DEPTOR: variants seen among roughly 807,000 people sequenced by gnomAD.
DEPTOR encodes the protein DEP domain containing MTOR interacting protein.
In DEPTOR, 41 loss-of-function variants were observed where a neutral mutation model predicts 41.6. The ratio of observed to expected loss-of-function variants is 0.98; its 90% confidence interval spans 0.77 to 1.28. DEPTOR has a LOEUF of 1.28. Among genes scored for constraint, DEPTOR ranks in the 50% most tolerant of loss-of-function variants. DEPTOR has a pLI of 0.00. For synonymous variants in DEPTOR, 195 were observed against 192.3 expected (o/e 1.01, Z -0.12); for missense variants, 514 against 527.9 (o/e 0.97, Z 0.26).
chr8:120,001,505 G>GT lies in DEPTOR; in HGVS notation c.605-9dup, dbSNP rs11395630. ...GGATGCCAGATAGTCCTCATTGGTT[G>GT]TTTTTTTTTTTCTCCCCAGTGTCCA... On this transcript the variant is annotated intron_variant, in intron 4 of 8. Transcript: ENST00000286234. The GT allele has an allele frequency of 0.18, 179,684 of 1,004,832 alleles. 3,898 individuals carry two copies. Among genetic ancestry groups the GT allele is most frequent in the African/African-American group, 0.35 (22,696 of 64,234 alleles). The allele number at this position is 1,004,832 out of a possible 1,614,324, so 62.2% of individuals were successfully genotyped here.
intron 3 of DEPTOR, among the ~76,000 whole-genome samples, chr8:119,948,686 A>G (rs982982005): frequency 3.3e-5 from 5 of 152,012 alleles, no homozygotes; most frequent in African/African-American, 1.2e-4. Flanking sequence ...CCCTTACCCC[A>G]TAGCTATCAC....
At chr8:120,030,842 C>T (rs973739626) in intron 8 of DEPTOR, among the ~76,000 whole-genome samples, 10 of 151,868 alleles carry the variant, frequency 6.6e-5, no homozygotes, top group Non-Finnish European at 1.3e-4. Flanking sequence ...GTCACCCAGG[C>T]TAGAGTGCAG....
chr8:120,009,913 A>G (rs976476183), intron 8 of DEPTOR, among the ~76,000 whole-genome samples: 1 of 152,138 alleles, frequency 6.6e-6, no homozygotes, highest in Non-Finnish European at 1.5e-5. Context: ...AATTTGAAAA[A>G]TTATGTATTT....
At chr8:119,889,862 A>G (rs1347854949) in intron 1 of DEPTOR, among the ~76,000 whole-genome samples, 2 of 151,806 alleles carry the variant, frequency 1.3e-5, no homozygotes, top group African/African-American at 4.9e-5. Context: ...TACAGTATGA[A>G]GTCTTCTCAT....
Position 119,987,694 on chromosome 8 carries a change from C to A in DEPTOR, c.605-13831C>A, listed in dbSNP as rs184140106. ...GGGAGTTTTATCTATAAGTCCCTGA[C>A]TGGGGCTGCTGCCTTTCTTCAGAGA... On this transcript the variant is annotated intron_variant, in intron 4 of 8. Coordinates refer to ENST00000286234, the MANE Select transcript of DEPTOR (RefSeq NM_022783.4). Among the ~76,000 whole-genome samples the A allele has an allele frequency of 8.2e-3, 1,242 of 152,290 alleles. 15 individuals carry two copies. The highest frequency in any genetic ancestry group is 0.029 in the African/African-American group (1,191 of 41,568).
intron 4 of DEPTOR, among the ~76,000 whole-genome samples, chr8:119,997,784 G>C (rs1452818398): frequency 1.3e-5 from 2 of 152,192 alleles, no homozygotes; most frequent in African/African-American, 4.8e-5. Context: ...TACAACCCTA[G>C]ATTGCATGTG....
chr8:120,049,501 C>T (rs1813199968), intron 8 of DEPTOR, 75 bp from the exon 9 acceptor site: 1 of 1,545,960 alleles, frequency 6.5e-7, no homozygotes, highest in Non-Finnish European at 8.8e-7. Context: ...GTTAGGGCTA[C>T]ACACTGTCTT....
chr8:119,948,348 G>C (rs967080697), intron 3 of DEPTOR, among the ~76,000 whole-genome samples: 1 of 152,122 alleles, frequency 6.6e-6, no homozygotes, highest in Non-Finnish European at 1.5e-5. Context: ...GGAGATGGAG[G>C]CTGCAGTGAG....
chr8:119,905,123 T>C (rs1461171473), intron 1 of DEPTOR, among the ~76,000 whole-genome samples: 2 of 152,086 alleles, frequency 1.3e-5, no homozygotes, highest in East Asian at 1.9e-4. Flanking sequence ...ATGCACCTTT[T>C]ACCTAAACTG....
intron 3 of DEPTOR, among the ~76,000 whole-genome samples, chr8:119,963,219 G>A (rs1828514379): frequency 6.6e-6 from 1 of 152,158 alleles, no homozygotes; most frequent in African/African-American, 2.4e-5. Flanking sequence ...TAAAGTCCAG[G>A]GAGATGCAGA....
At chr8:119,983,542 G>A (rs1370372771) in intron 4 of DEPTOR, among the ~76,000 whole-genome samples, 1 of 152,010 alleles carries the variant, frequency 6.6e-6, no homozygotes, top group African/African-American at 2.4e-5. Flanking sequence ...CCGCCACCAC[G>A]CTCAGCTAAT....
intron 8 of DEPTOR, among the ~76,000 whole-genome samples, chr8:120,025,435 T>TGA (rs1021284431): frequency 9.2e-5 from 14 of 152,136 alleles, no homozygotes; most frequent in African/African-American, 2.6e-4. Flanking sequence ...GGAGAGCCTG[T>TGA]GAGAGAGAGA....
At chr8:119,953,223 C>A (rs1026102167) in intron 3 of DEPTOR, among the ~76,000 whole-genome samples, 1 of 152,056 alleles carries the variant, frequency 6.6e-6, no homozygotes, top group Non-Finnish European at 1.5e-5. Context: ...AATGAAGACC[C>A]AAAGATACAG....
chr8:119,888,858 C>CAAAAAAAAA, intron 1 of DEPTOR, among the ~76,000 whole-genome samples: 1 of 63,862 alleles, frequency 1.6e-5, no homozygotes, highest in East Asian at 5.3e-4. Flanking sequence ...TCTGTCTCAG[C>CAAAAAAAAA]AAAAAAAAAA....
intron 1 of DEPTOR, among the ~76,000 whole-genome samples, chr8:119,884,219 C>T (rs1380302180): frequency 6.6e-6 from 1 of 152,076 alleles, no homozygotes; most frequent in African/African-American, 2.4e-5. Flanking sequence ...CACCACACCT[C>T]ACTAATTTCT....
At chr8:120,019,387 C>T (rs189093196) in intron 8 of DEPTOR, among the ~76,000 whole-genome samples, 1 of 152,296 alleles carries the variant, frequency 6.6e-6, no homozygotes, top group Non-Finnish European at 1.5e-5. Flanking sequence ...ACTGGTGTCA[C>T]TCTCAATCAG....
In DEPTOR at chr8:119,944,847, G is replaced by T. The variant is rs559777350; in HGVS notation, c.425+14909G>T. 5.9e-5 allele frequency among the ~76,000 whole-genome samples: 9 copies of T among 152,002 alleles called. No homozygotes were observed. In the East Asian group the frequency reaches 1.4e-3, roughly 23 times the overall value. On this transcript the variant is annotated intron_variant, in intron 3 of 8. Coordinates refer to ENST00000286234, the MANE Select transcript of DEPTOR (RefSeq NM_022783.4). ...TTTTTTGTATTTTTAGTAGAGACAGGGTTTAACCATGTTGGCCAGGATGGT... is the reference window on the plus strand; with the variant it reads ...TTTTTTGTATTTTTAGTAGAGACAGTGTTTAACCATGTTGGCCAGGATGGT...
At chr8:120,045,647 T>C (rs1813143673) in intron 8 of DEPTOR, among the ~76,000 whole-genome samples, 1 of 152,234 alleles carries the variant, frequency 6.6e-6, no homozygotes, top group Non-Finnish European at 1.5e-5. Flanking sequence ...AGTGCTAGGA[T>C]TGCAGACGTG....
chr8:119,972,064 T>C (rs113792644), intron 4 of DEPTOR, among the ~76,000 whole-genome samples: 4 of 152,304 alleles, frequency 2.6e-5, no homozygotes, highest in African/African-American at 9.6e-5. Flanking sequence ...CCCTTCCGTA[T>C]TGGGGCTGCT....
Sources: gnomAD v4.1 joint callset for allele counts (sites outside exome capture counted in the v4.1 genomes callset) on GRCh38, gnomAD v4.1.1 for gene constraint, MANE v1.5 for transcripts, NCBI Gene and HGNC (gene_info 2026-07-23, HGNC 2026-07-21) for gene names.